SLC10A7: variants seen among roughly 807,000 people sequenced by gnomAD.
SLC10A7 encodes sodium/bile acid cotransporter 7.
A neutral mutation model predicts 43.2 loss-of-function variants in SLC10A7; 29 were observed. That is an observed-to-expected ratio of 0.67 (90% CI 0.50 to 0.92). The LOEUF is 0.92. Ranked by LOEUF, SLC10A7 falls within the 40% of genes least tolerant of loss-of-function variation. The pLI is 0.00. For missense variants in SLC10A7, 295 were observed against 403.2 expected, an observed-to-expected ratio of 0.73 and a Z score of 2.30; for synonymous variants, 152 against 144.8, an observed-to-expected ratio of 1.05 and a Z score of -0.35.
At chr4:146,510,832 T>C (rs142487923) in intron 2 of SLC10A7, among the ~76,000 whole-genome samples, 121 of 152,352 alleles carry the variant, frequency 7.9e-4, no homozygotes, top group Middle Eastern at 3.4e-3. Flanking sequence ...TTTGGCAAGA[T>C]GTTACTGAAT....
At chr4:146,261,641 C>T (rs574825859) in intron 10 of SLC10A7, among the ~76,000 whole-genome samples, 18 of 152,292 alleles carry the variant, frequency 1.2e-4, no homozygotes, top group East Asian at 9.6e-4. Context: ...CTTGCAGCTG[C>T]GGCCAAAATT....
At chr4:146,339,552 C>A in intron 5 of SLC10A7, among the ~76,000 whole-genome samples, 1 of 151,930 alleles carries the variant, frequency 6.6e-6, no homozygotes, top group South Asian at 2.1e-4. Context: ...AAGGTTTGCA[C>A]CTCACATGAG....
intron 5 of SLC10A7, among the ~76,000 whole-genome samples, chr4:146,381,958 A>G (rs190441212): frequency 1.1e-4 from 17 of 152,278 alleles, no homozygotes; most frequent in African/African-American, 3.6e-4. Context: ...AATAGTTTAT[A>G]GAAGACTACA....
chr4:146,462,170 A>G (rs1732598610), intron 4 of SLC10A7, among the ~76,000 whole-genome samples: 1 of 152,120 alleles, frequency 6.6e-6, no homozygotes, highest in Admixed American at 6.6e-5. Flanking sequence ...TTTCTCCTGT[A>G]TCACTTACCA....
chr4:146,349,512 T>C (rs1734866466), intron 5 of SLC10A7, among the ~76,000 whole-genome samples: 1 of 152,174 alleles, frequency 6.6e-6, no homozygotes, highest in Non-Finnish European at 1.5e-5. Flanking sequence ...TTACTGGGCA[T>C]ACATCCAAAA....
At chr4:146,303,600 G>C (rs551699847) in intron 7 of SLC10A7, among the ~76,000 whole-genome samples, 4 of 151,900 alleles carry the variant, frequency 2.6e-5, no homozygotes, top group African/African-American at 9.7e-5. Flanking sequence ...GGCTGGTCAC[G>C]AACTCCTGAC....
intron 2 of SLC10A7, chr4:146,515,293 T>C (rs1427066742): frequency 4.8e-6 from 3 of 624,774 alleles, no homozygotes; most frequent in Non-Finnish European, 8.6e-6. Context: ...ATAAAGAGCA[T>C]TAGCCAAGGT....
chr4:146,486,733 C>T (rs947459386), intron 4 of SLC10A7, among the ~76,000 whole-genome samples: 9 of 152,168 alleles, frequency 5.9e-5, no homozygotes, highest in Non-Finnish European at 1.3e-4. Context: ...GCTTTGCTTT[C>T]ACTTTCTCAT....
rs183978844 is a variant in SLC10A7, at chr4:146,492,072, T to C, written c.396+11777A>G. Among the ~76,000 whole-genome samples the C allele has an allele frequency of 3.9e-4, 59 of 151,730 alleles. No homozygotes were observed. The East Asian group carries it at 8.4e-3, about 22-fold the overall frequency. On this transcript the variant is annotated intron_variant, in intron 4 of 11. Transcript: ENST00000335472. ...TTCTACTAAAAATACCAAAAAAAAT[T>C]AGCTGGGCGTGGTGGCGGGCGCCTG...
At chr4:146,362,377 A>C (rs553048979) in intron 5 of SLC10A7, among the ~76,000 whole-genome samples, 38 of 152,238 alleles carry the variant, frequency 2.5e-4, no homozygotes, top group South Asian at 1.7e-3. Flanking sequence ...TAACATATAA[A>C]TGATCCCTGA....
intron 5 of SLC10A7, among the ~76,000 whole-genome samples, chr4:146,334,028 G>A (rs967792275): frequency 2.6e-5 from 4 of 152,060 alleles, no homozygotes; most frequent in Admixed American, 1.3e-4. Context: ...TGTGGGGAGA[G>A]TGTCAAAACA....
chr4:146,305,564 TAAAGTA>T (rs1731502925), intron 7 of SLC10A7, among the ~76,000 whole-genome samples: 1 of 130,744 alleles, frequency 7.6e-6, no homozygotes, highest in Admixed American at 8.2e-5. Context: ...CCCTAAAACT[TAAAGTA>T]TAATAATAAA....
chr4:146,414,289 C>T (rs1195633948), intron 5 of SLC10A7, among the ~76,000 whole-genome samples: 1 of 152,162 alleles, frequency 6.6e-6, no homozygotes, highest in Non-Finnish European at 1.5e-5. Context: ...TCCAAACACA[C>T]CCATGTGCCC....
intron 5 of SLC10A7, among the ~76,000 whole-genome samples, chr4:146,404,865 A>G (rs1394401296): frequency 1.3e-5 from 2 of 152,188 alleles, no homozygotes; most frequent in African/African-American, 4.8e-5. Flanking sequence ...CTTTACTGAT[A>G]TACATTGCAG....
chr4:146,494,503 AAC>A (rs1735723584), intron 4 of SLC10A7, among the ~76,000 whole-genome samples: 1 of 152,358 alleles, frequency 6.6e-6, no homozygotes, highest in South Asian at 2.1e-4. Context: ...TAGCAGGGCT[AAC>A]ACTTTGTTTT....
chr4:146,302,586 T>C lies in SLC10A7; in HGVS notation c.555+3340A>G, dbSNP rs1417037344. Among the ~76,000 whole-genome samples the C allele has an allele frequency of 2.6e-5, 4 of 152,186 alleles. No individual in the cohort carries two copies. The East Asian group carries it at 7.7e-4, about 29-fold the overall frequency. ...ATCAGCTATATGGTTCAAAGAAGGC[T>C]TCATTAAAGAGTCAAATGAGAAACA... On this transcript the variant is annotated intron_variant, in intron 7 of 11. Transcript: ENST00000335472.
At position 146,467,564 on chromosome 4, in the gene SLC10A7, T is replaced by C. The variant is rs1307774359; in HGVS notation, c.397-24743A>G. ...GCCCTTTTCTTTTTTCTTTCTCTCT[T>C]TTTTTTTTTTTTTTTTTTTGAGACA... On this transcript the variant is annotated intron_variant, in intron 4 of 11. Coordinates refer to ENST00000335472, the MANE Select transcript of SLC10A7 (RefSeq NM_001029998.6). Among the ~76,000 whole-genome samples the C allele has an allele frequency of 7.4e-5, 10 of 135,246 alleles. No homozygotes were observed. The East Asian group carries it at 8.6e-4, about 12-fold the overall frequency. 88.7% of individuals were successfully genotyped at this position (135,246 alleles called of 152,430 possible). A position where few individuals can be genotyped will look rare whatever the true frequency, so the allele number is the denominator to read the frequency against.
chr4:146,421,095 T>C (rs1439012083), intron 5 of SLC10A7, among the ~76,000 whole-genome samples: 1 of 152,080 alleles, frequency 6.6e-6, no homozygotes, highest in Non-Finnish European at 1.5e-5. Flanking sequence ...TCGATAATAA[T>C]AGTAGCACCT....
At chr4:146,504,679 A>G (rs1736738565) in intron 3 of SLC10A7, among the ~76,000 whole-genome samples, 1 of 152,226 alleles carries the variant, frequency 6.6e-6, no homozygotes. Context: ...GTTCAAAAAT[A>G]CTTGACAAGA....
Sources: gnomAD v4.1 joint callset for allele counts (sites outside exome capture counted in the v4.1 genomes callset) on GRCh38, gnomAD v4.1.1 for gene constraint, MANE v1.5 for transcripts, NCBI Gene and HGNC (gene_info 2026-07-23, HGNC 2026-07-21) for gene names.